NEBL: variants seen among roughly 807,000 people sequenced by gnomAD.
The protein encoded by NEBL is LIM and SH3 protein 2.
A neutral mutation model predicts 140.2 loss-of-function variants in NEBL; 122 were observed. That is an observed-to-expected ratio of 0.87 (90% CI 0.75 to 1.01). NEBL has a LOEUF of 1.01. Among genes scored for constraint, NEBL ranks in the 50% least tolerant of loss-of-function variants. The pLI, the probability that NEBL is intolerant of heterozygous loss-of-function variation, is 0.00. For synonymous variants in NEBL, 436 were observed against 398.9 expected (o/e 1.09, Z -1.11); for missense variants, 1,365 against 1,231.3 (o/e 1.11, Z -1.62).
chr10:20,839,803 T>C (rs912002815), intron 13 of NEBL, among the ~76,000 whole-genome samples: 2 of 152,082 alleles, frequency 1.3e-5, no homozygotes, highest in Non-Finnish European at 2.9e-5. Flanking sequence ...CCTAAGACTT[T>C]GATTGGAACT....
chr10:20,787,344 T>C, intron 26 of NEBL, 36 bp from the exon 27 acceptor site: 10 of 1,537,156 alleles, frequency 6.5e-6, no homozygotes, highest in Non-Finnish European at 9.0e-6. Flanking sequence ...AAAGATTCCT[T>C]AAAGTTAGCC....
chr10:21,065,155 T>G (rs1342806631), intron 2 of NEBL, among the ~76,000 whole-genome samples: 1 of 152,014 alleles, frequency 6.6e-6, no homozygotes, highest in Admixed American at 6.5e-5. Context: ...AAGGAACAAA[T>G]GAAAAAAATC....
chr10:20,943,181 A>G (rs1834976591), intron 4 of NEBL, among the ~76,000 whole-genome samples: 1 of 152,242 alleles, frequency 6.6e-6, no homozygotes, highest in Non-Finnish European at 1.5e-5. Context: ...AAAGACTTGG[A>G]ACCAAGCCAA....
chr10:21,233,661 G>GC (rs1564547016), intron 3 of NEBL, among the ~76,000 whole-genome samples: 1 of 140,406 alleles, frequency 7.1e-6, no homozygotes, highest in East Asian at 2.0e-4. Flanking sequence ...TACATATATA[G>GC]ATATATATCT....
chr10:21,096,425 A>G (rs1564509953), intron 2 of NEBL, among the ~76,000 whole-genome samples: 1 of 152,166 alleles, frequency 6.6e-6, no homozygotes, highest in South Asian at 2.1e-4. Flanking sequence ...CCCTTTTATT[A>G]AAGAGTTTAT....
chr10:21,186,640 C>T (rs111368103), intron 3 of NEBL, among the ~76,000 whole-genome samples: 3 of 151,574 alleles, frequency 2.0e-5, no homozygotes, highest in Admixed American at 6.6e-5. Flanking sequence ...TTTCTTAAAA[C>T]ATTATGAGAA....
chr10:21,033,324 A>G (rs1833873805), intron 2 of NEBL, among the ~76,000 whole-genome samples: 1 of 152,248 alleles, frequency 6.6e-6, no homozygotes, highest in Non-Finnish European at 1.5e-5. Context: ...TGATAAAGAT[A>G]ATAAATAAGT....
intron 26 of NEBL, among the ~76,000 whole-genome samples, chr10:20,796,288 G>A (rs1042937478): frequency 2.0e-5 from 3 of 149,236 alleles, no homozygotes; most frequent in Admixed American, 6.8e-5. Flanking sequence ...GAACCCAGGA[G>A]GCAGAGGTTG....
intron 2 of NEBL, among the ~76,000 whole-genome samples, chr10:21,067,995 A>G (rs1242115974): frequency 1.3e-5 from 2 of 152,096 alleles, no homozygotes. Context: ...AAAATGTAAT[A>G]TACTTCCCTA....
intron 5 of NEBL, among the ~76,000 whole-genome samples, chr10:20,874,310 G>A (rs1845269198): frequency 6.6e-6 from 1 of 152,164 alleles, no homozygotes; most frequent in African/African-American, 2.4e-5. Flanking sequence ...CTGCCTTCAT[G>A]TTGACTTAGG....
chr10:20,977,599 TAATTCC>T lies in NEBL; in HGVS notation c.250-15826_250-15821del, dbSNP rs1353002418. ...AGGAGGAGCTGCCCAGATGAAAGGC[TAATTCC>T]ACCAAATCCAATTGGTACTCAAATC... On this transcript the variant is annotated intron_variant, in intron 3 of 6. Coordinates refer to the NEBL transcript ENST00000417816. Among the ~76,000 whole-genome samples, 11 of 152,256 alleles carry T rather than the reference TAATTCC, an allele frequency of 7.2e-5. No individual in the cohort carries two copies. The South Asian group carries it at 1.0e-3, about 14-fold the overall frequency.
intron 3 of NEBL, among the ~76,000 whole-genome samples, chr10:21,019,030 A>G (rs568389121): frequency 5.3e-5 from 8 of 151,684 alleles, no homozygotes; most frequent in African/African-American, 1.9e-4. Context: ...CCGTTCTCCC[A>G]CCCCTCCCCC....
intron 3 of NEBL, among the ~76,000 whole-genome samples, chr10:21,186,307 C>T (rs1249848894): frequency 6.6e-5 from 10 of 151,110 alleles, no homozygotes; most frequent in Non-Finnish European, 2.9e-5. Context: ...CACATTCCCC[C>T]CCACCATTAA....
At chr10:21,017,524 C>G (rs1001672608) in intron 3 of NEBL, among the ~76,000 whole-genome samples, 2 of 152,174 alleles carry the variant, frequency 1.3e-5, no homozygotes, top group African/African-American at 4.8e-5. Context: ...GTATATGCCA[C>G]CCTTTGAAGC....
In NEBL at chr10:20,966,163, A is replaced by G. The variant is rs1410803462; in HGVS notation, c.250-4384T>C. ...TGTCAAATATTGAATACTATATATT[A>G]TGGAAATTCTATATATGTCATATGT... On this transcript the variant is annotated intron_variant, in intron 3 of 6. Coordinates refer to the NEBL transcript ENST00000417816. 2.6e-5 allele frequency among the ~76,000 whole-genome samples: 4 copies of G among 152,378 alleles called. No homozygotes were observed. In the East Asian group the frequency reaches 7.7e-4, roughly 29 times the overall value.
intron 2 of NEBL, among the ~76,000 whole-genome samples, chr10:21,113,659 A>T (rs1838151619): frequency 6.6e-6 from 1 of 152,046 alleles, no homozygotes; most frequent in South Asian, 2.1e-4. Context: ...TGTTGTCCAA[A>T]ATGTCATTTA....
chr10:20,967,903 T>A (rs1449825438), intron 3 of NEBL, among the ~76,000 whole-genome samples: 1 of 152,138 alleles, frequency 6.6e-6, no homozygotes, highest in Admixed American at 6.5e-5. Context: ...GGGACGCAGT[T>A]TTAAAAGTCC....
chr10:20,811,864 T>C (rs907056054), intron 24 of NEBL, among the ~76,000 whole-genome samples: 3 of 152,220 alleles, frequency 2.0e-5, no homozygotes, highest in Admixed American at 2.0e-4. Flanking sequence ...CTTCAGTTGT[T>C]GATACAGACT....
chr10:20,911,183 T>C (rs562362496), intron 4 of NEBL, among the ~76,000 whole-genome samples: 62 of 151,956 alleles, frequency 4.1e-4, no homozygotes, highest in Non-Finnish European at 7.8e-4. Context: ...AAACAAAATA[T>C]AAAGAGTAAG....
Sources: gnomAD v4.1 joint callset for allele counts (sites outside exome capture counted in the v4.1 genomes callset) on GRCh38, gnomAD v4.1.1 for gene constraint, MANE v1.5 for transcripts, NCBI Gene and HGNC (gene_info 2026-07-23, HGNC 2026-07-21) for gene names.